TMEM50B: variants seen among roughly 807,000 people sequenced by gnomAD.
TMEM50B encodes the protein transmembrane protein 50B.
TMEM50B carries 14 observed loss-of-function variants against 23.4 expected under a neutral mutation model. The ratio of observed to expected loss-of-function variants is 0.60; its 90% CI spans 0.39 to 0.93. The LOEUF (loss-of-function observed/expected upper bound fraction) is 0.93. Among genes scored for constraint, TMEM50B ranks in the 40% least tolerant of loss-of-function variants. The pLI, the probability that TMEM50B is intolerant of heterozygous loss-of-function variation, is 0.00. For synonymous variants in TMEM50B, 64 were observed against 62.3 expected, an observed-to-expected ratio of 1.03 and a Z score of -0.13; for missense variants, 159 against 193.0, an observed-to-expected ratio of 0.82 and a Z score of 1.04.
chr21:33,458,020 A>G (rs1408707174), intron 5 of TMEM50B, among the ~76,000 whole-genome samples: 1 of 152,178 alleles, frequency 6.6e-6, no homozygotes, highest in East Asian at 1.9e-4. Flanking sequence ...AGCTACAGAC[A>G]ATCTAAAAAT....
rs139100018 is a variant in TMEM50B, at chr21:33,462,175, C to T, written c.281-1670G>A. On this transcript the variant is annotated intron_variant, in intron 4 of 6. Coordinates refer to ENST00000542230, the MANE Select transcript of TMEM50B (RefSeq NM_006134.7). ...TTATAGTATATTTATTATTTTGATA[C>T]TTTCCTATTAATTCCTCCGGGAACT... 1.1e-3 allele frequency among the ~76,000 whole-genome samples: 160 copies of T among 152,060 alleles called. 1 individual carries two copies. The highest frequency in any genetic ancestry group is 3.6e-3 in the African/African-American group (148 of 41,486).
At chr21:33,465,222 A>C (rs2084254660) in intron 4 of TMEM50B, 120 bp downstream of exon 4, 1 of 628,634 alleles carries the variant, frequency 1.6e-6, no homozygotes, top group Non-Finnish European at 2.7e-6. Context: ...TTTTAAAGCA[A>C]ATAAAAAATA....
At chr21:33,451,452 A>G (rs1012881159) in intron 6 of TMEM50B, among the ~76,000 whole-genome samples, 1 of 152,218 alleles carries the variant, frequency 6.6e-6, no homozygotes, top group Admixed American at 6.5e-5. Flanking sequence ...AAAAAATGCT[A>G]TAAATGAGAG....
intron 5 of TMEM50B, chr21:33,456,112 C>T (rs755791489): frequency 7.2e-6 from 4 of 554,936 alleles, no homozygotes; most frequent in South Asian, 6.2e-5. Context: ...AATGCAAAAT[C>T]GTAAAAACAT....
At chr21:33,432,981 G>T in intron 8 of TMEM50B, 1 of 910,792 alleles carries the variant, frequency 1.1e-6, no homozygotes, top group African/African-American at 1.7e-5. Context: ...CATCTCCCAG[G>T]TTCAAGCGAT....
At chr21:33,457,232 C>A (rs1265863373) in intron 5 of TMEM50B, among the ~76,000 whole-genome samples, 1 of 150,774 alleles carries the variant, frequency 6.6e-6, no homozygotes, top group South Asian at 2.1e-4. Context: ...CTAGCCTGGA[C>A]GACAGGGCGA....
At chr21:33,478,438 A>T (rs2084394238) in intron 1 of TMEM50B, among the ~76,000 whole-genome samples, 1 of 152,152 alleles carries the variant, frequency 6.6e-6, no homozygotes, top group Non-Finnish European at 1.5e-5. Flanking sequence ...CTGTACTTGT[A>T]GCCTGGTCAA....
chr21:33,435,165 G>A (rs555673192), intron 8 of TMEM50B, among the ~76,000 whole-genome samples: 6 of 152,296 alleles, frequency 3.9e-5, no homozygotes, highest in African/African-American at 1.4e-4. Flanking sequence ...TAAGCCTAAA[G>A]CCTGCGGGAG....
At chr21:33,479,802 G>A (rs1482420032) in intron 1 of TMEM50B, 36 bp downstream of exon 1, 1 of 152,392 alleles carries the variant, frequency 6.6e-6, no homozygotes, top group African/African-American at 2.4e-5. Context: ...GCCCTCTACG[G>A]TTGCCTGGCG....
At chr21:33,456,572 T>A (rs1259147547) in intron 5 of TMEM50B, among the ~76,000 whole-genome samples, 1 of 152,192 alleles carries the variant, frequency 6.6e-6, no homozygotes, top group Non-Finnish European at 1.5e-5. Flanking sequence ...CTGGAGAAGA[T>A]GAAGAAACTG....
intron 7 of TMEM50B, among the ~76,000 whole-genome samples, chr21:33,442,941 TCAAAA>T (rs1464936058): frequency 6.6e-6 from 1 of 151,104 alleles, no homozygotes; most frequent in East Asian, 1.9e-4. Flanking sequence ...ACAAAACAAA[TCAAAA>T]CAAAAAGCAC....
intron 1 of TMEM50B, among the ~76,000 whole-genome samples, chr21:33,475,304 T>C (rs1354039402): frequency 1.3e-5 from 2 of 152,128 alleles, no homozygotes; most frequent in Non-Finnish European, 2.9e-5. Flanking sequence ...ACATGTTTTA[T>C]ATGCTTTTTT....
At chr21:33,451,200 C>G (rs1568975994) in intron 6 of TMEM50B, among the ~76,000 whole-genome samples, 2 of 152,160 alleles carry the variant, frequency 1.3e-5, no homozygotes, top group African/African-American at 2.4e-5. Context: ...TAGTGACAGG[C>G]ATTAGGGCCA....
At chr21:33,459,661 CCGTCT>C (rs1352494375) in intron 5 of TMEM50B, among the ~76,000 whole-genome samples, 2 of 106,458 alleles carry the variant, frequency 1.9e-5, no homozygotes, top group South Asian at 6.9e-4. Flanking sequence ...GAGTGAGACT[CCGTCT>C]CAAAAAAAAA....
intron 7 of TMEM50B, among the ~76,000 whole-genome samples, chr21:33,441,719 T>G (rs1379258992): frequency 6.6e-6 from 1 of 152,186 alleles, no homozygotes; most frequent in Non-Finnish European, 1.5e-5. Context: ...AACGTCTGCC[T>G]CCTGGATTCA....
In TMEM50B at chr21:33,462,906, G is replaced by GTGCATTTTAAACTTA. The variant is rs1035803637; in HGVS notation, c.281-2402_281-2401insTAAGTTTAAAATGCA. On this transcript the variant is annotated intron_variant, in intron 4 of 6. Coordinates refer to ENST00000542230, the MANE Select transcript of TMEM50B (RefSeq NM_006134.7). ...ACACATATTGTGCACTTTAAACTTA[G>GTGCATTTTAAACTTA]GCTCATCTGTCATTTGTCATTATAC... is the stretch of plus-strand genomic sequence containing the variant. Among the ~76,000 whole-genome samples the GTGCATTTTAAACTTA allele has an allele frequency of 1.5e-4, 23 of 152,272 alleles. 2 individuals are homozygous for GTGCATTTTAAACTTA. The highest frequency in any genetic ancestry group is 4.8e-4 in the African/African-American group (20 of 41,552).
rs2084130734 is a variant in TMEM50B, at chr21:33,452,472, C to T, written c.432-1609G>A. Reference sequence around the variant, plus strand: ...GAAAGAACCACTGGAAAGAACATGTCCCAGAGCTACCACAAGGCTGGAAGA... The same window carrying T: ...GAAAGAACCACTGGAAAGAACATGTTCCAGAGCTACCACAAGGCTGGAAGA... On this transcript the variant is annotated intron_variant, in intron 6 of 6. Coordinates refer to ENST00000542230, the MANE Select transcript of TMEM50B (RefSeq NM_006134.7). 5.9e-5 allele frequency among the ~76,000 whole-genome samples: 9 copies of T among 152,142 alleles called. 1 individual carries two copies. The South Asian group carries it at 1.9e-3, about 32-fold the overall frequency.
chr21:33,436,722 A>G, intron 8 of TMEM50B: 2 of 952,474 alleles, frequency 2.1e-6, no homozygotes, highest in Non-Finnish European at 3.1e-6. Flanking sequence ...TCCATCTCAA[A>G]AAAAAAATAA....
intron 8 of TMEM50B, among the ~76,000 whole-genome samples, chr21:33,434,132 C>T (rs186676786): frequency 1.3e-5 from 2 of 152,326 alleles, no homozygotes; most frequent in Non-Finnish European, 2.9e-5. Context: ...TCCTGCATAA[C>T]CCCAGCCCCC....
Sources: gnomAD v4.1 joint callset for allele counts (sites outside exome capture counted in the v4.1 genomes callset) on GRCh38, gnomAD v4.1.1 for gene constraint, MANE v1.5 for transcripts, NCBI Gene and HGNC (gene_info 2026-07-23, HGNC 2026-07-21) for gene names.